APOE: variants seen among roughly 807,000 people sequenced by gnomAD.
APOE encodes apolipoprotein E3.
In APOE, 10 loss-of-function variants were observed where a neutral mutation model predicts 13.1. That is an observed-to-expected ratio of 0.76 (90% confidence interval 0.47 to 1.29). The LOEUF (loss-of-function observed/expected upper bound fraction) is 1.29, where lower values mean the gene tolerates loss of function less well. APOE is among the 50% of genes most tolerant of loss of function. The probability of loss-of-function intolerance (pLI) is 0.00; values close to 1 mark genes in which losing one functional copy is unlikely to be tolerated. For synonymous variants in APOE, 211 were observed against 207.1 expected (o/e 1.02, Z -0.16); for missense variants, 471 against 459.6 (o/e 1.02, Z -0.23).
chr19:44,907,729 C>T lies in APOE; in HGVS notation c.44-31C>T, dbSNP rs1279963008. On this transcript the variant is annotated intron_variant, in intron 2 of 3. Transcript: ENST00000252486. This position sits in a 1 kb window ranked among gnomAD's most constrained non-coding sequence, Gnocchi z 4.1. Reference sequence around the variant, plus strand: ...AGATGCCTGGACGGGGTCAGAAGGACCCTGACCCACCTTGAACTTGTTCCA... The same window carrying T: ...AGATGCCTGGACGGGGTCAGAAGGATCCTGACCCACCTTGAACTTGTTCCA... 2 of 1,582,294 alleles carry T rather than the reference C, an allele frequency of 1.3e-6. No homozygotes were observed. The highest frequency in any genetic ancestry group is 3.5e-5 in the Admixed American group (2 of 56,568).
Position 44,909,388 on chromosome 19 carries a change from C to G in APOE, c.*138C>G. The G allele has an allele frequency of 5.1e-6, 4 of 777,436 alleles. No homozygotes were observed. Among genetic ancestry groups the G allele is most frequent in the Non-Finnish European group, 8.4e-6 (4 of 473,920 alleles). The allele number at this position is 777,436 out of a possible 1,614,324, so 48.2% of individuals were successfully genotyped here. On this transcript the variant is annotated 3_prime_UTR_variant, in exon 4 of 4. Coordinates refer to ENST00000252486, the MANE Select transcript of APOE (RefSeq NM_000041.4). ...AGTTTAATAAAGATTCACCAAGTTT[C>G]ACGCATCTGCTGGCCTCCCCCTGTG...
intron 1 of APOE, chr19:44,906,065 G>A (rs1969801254): frequency 4.4e-6 from 2 of 450,784 alleles, no homozygotes; most frequent in Non-Finnish European, 3.7e-6. Context: ...GAGAGCAGCT[G>A]GACTGGGATG....
intron 3 of APOE, 113 bp downstream of exon 3, chr19:44,908,065 G>A: frequency 9.9e-7 from 1 of 1,012,926 alleles, no homozygotes. Context: ...GTCTCTGCTG[G>A]TTCTAGCTTC....
intron 1 of APOE, chr19:44,906,326 G>A (rs1599950483): frequency 1.9e-6 from 1 of 535,004 alleles, no homozygotes; most frequent in East Asian, 3.3e-5. Flanking sequence ...TGGAACCGGC[G>A]GTGGGGAGGG....
chr19:44,906,044 G>A, intron 1 of APOE: 1 of 605,172 alleles, frequency 1.7e-6, no homozygotes, highest in South Asian at 1.9e-5. Context: ...CCCGCTAGAA[G>A]GTGGGGTGGG....
chr19:44,908,603 G>A lies in APOE; in HGVS notation c.307G>A (p.Val103Met). ...GGAACTGGAGGAACAACTGACCCCG[G>A]TGGCGGAGGAGACGCGGGCACGGCT... is the stretch of plus-strand genomic sequence containing the variant. ...KSELEEQLTPVAEETRARLSK... is the reference protein window; with the variant it reads ...KSELEEQLTPMAEETRARLSK... The change falls in exon 4 of 4, where the codon GTG becomes ATG. Residue 103 changes from valine to methionine, a missense_variant. Physicochemically the swap from Val to Met is conservative, Grantham distance 21 (BLOSUM62 1). Transcript: ENST00000252486. 1 of 1,612,964 alleles carries A rather than the reference G, an allele frequency of 6.2e-7. No individual in the cohort carries two copies. The highest frequency in any genetic ancestry group is 8.5e-7 in the Non-Finnish European group (1 of 1,179,394).
At chr19:44,906,692 T>G (rs572409680) in intron 2 of APOE, 25 bp downstream of exon 2, 7 of 1,610,452 alleles carry the variant, frequency 4.3e-6, no homozygotes, top group African/African-American at 1.3e-5. Context: ...CTTGCTCGGT[T>G]CCCCCCGCTC....
At chr19:44,906,544 G>C (rs1426301793) in intron 1 of APOE, 58 bp from the exon 2 acceptor site, 1 of 1,597,614 alleles carries the variant, frequency 6.3e-7, no homozygotes, top group Admixed American at 1.7e-5. Flanking sequence ...GGTTGGGGCC[G>C]GGCTGGGGGT....
chr19:44,906,032 G>C, intron 1 of APOE, 191 bp downstream of exon 1: 1 of 757,738 alleles, frequency 1.3e-6, no homozygotes, highest in Non-Finnish European at 1.8e-6. Context: ...GAGACGACCC[G>C]ACCCGCTAGA....
At chr19:44,908,055 G>T in intron 3 of APOE, 103 bp downstream of exon 3, 1 of 1,104,286 alleles carries the variant, frequency 9.1e-7, no homozygotes, top group Non-Finnish European at 1.3e-6. Context: ...GGGGGCCTGG[G>T]TCTCTGCTGG....
chr19:44,906,792 T>G, intron 2 of APOE, 125 bp downstream of exon 2: 1 of 924,512 alleles, frequency 1.1e-6, no homozygotes, highest in South Asian at 1.4e-5. Context: ...GCTTCCTGGC[T>G]CTGAACAGCG....
In APOE at chr19:44,907,407, G is replaced by A. The variant is rs1052806006; in HGVS notation, c.44-353G>A. 2 of 339,468 alleles carry A rather than the reference G, an allele frequency of 5.9e-6. No individual in the cohort carries two copies. The highest frequency in any genetic ancestry group is 1.2e-5 in the Non-Finnish European group (2 of 172,740). 21.0% of individuals were successfully genotyped at this position (339,468 alleles called of 1,614,324 possible). ...AGCCCAGGAGTTCAACACCAGCCTG[G>A]GCAACATAGTGAGACCCTGTCTCTA... is the stretch of plus-strand genomic sequence containing the variant. On this transcript the variant is annotated intron_variant, in intron 2 of 3. Transcript: ENST00000252486. This position sits in a 1 kb window ranked among gnomAD's most constrained non-coding sequence, Gnocchi z 4.1.
chr19:44,905,912 C>T, intron 1 of APOE, 71 bp downstream of exon 1: 2 of 1,295,566 alleles, frequency 1.5e-6, no homozygotes, highest in South Asian at 2.5e-5. Flanking sequence ...CCTGGGAACC[C>T]CTGGCCTCCA....
Position 44,909,148 on chromosome 19 carries a change from G to T in APOE, c.852G>T (p.Glu284Asp), listed in dbSNP as rs759118026. 4.4e-6 allele frequency: 7 copies of T among 1,601,504 alleles called. No individual in the cohort carries two copies. The highest frequency in any genetic ancestry group is 5.1e-6 in the Non-Finnish European group (6 of 1,178,870). ...AGGCCCGCCTCAAGAGCTGGTTCGA[G>T]CCCCTGGTGGAAGACATGCAGCGCC... Reference protein sequence around the residue: ...AFQARLKSWFEPLVEDMQRQW... With the variant: ...AFQARLKSWFDPLVEDMQRQW... Residue 284 changes from glutamate (E) to aspartate (D), a missense_variant, in exon 4 of 4, where the codon GAG becomes GAT. By Grantham distance (45) the Glu-to-Asp change is conservative. Transcript: ENST00000252486.
In APOE at chr19:44,905,836, G is replaced by A. The variant is rs1969796001; in HGVS notation, c.-29G>A. On this transcript the variant is annotated 5_prime_UTR_variant, in exon 1 of 4. Coordinates refer to ENST00000252486, the MANE Select transcript of APOE (RefSeq NM_000041.4). The stretch of plus-strand genomic sequence containing the variant: ...GGAGGTGAAGGACGTCCTTCCCCAG[G>A]AGCCGGTGAGAAGCGCAGTCGGGGG... 7.7e-7 allele frequency: 1 copy of A among 1,294,752 alleles called. No individual in the cohort carries two copies. The highest frequency in any genetic ancestry group is 1.5e-5 in the African/African-American group (1 of 64,778). The allele number at this position is 1,294,752 out of a possible 1,614,324, so 80.2% of individuals were successfully genotyped here. A position where few individuals can be genotyped will look rare whatever the true frequency, so the allele number is the denominator to read the frequency against.
chr19:44,907,725 A>G lies in APOE; in HGVS notation c.44-35A>G, dbSNP rs781196862. The G allele has an allele frequency of 3.2e-6, 5 of 1,574,344 alleles. No individual in the cohort carries two copies. In the African/African-American group the frequency reaches 6.7e-5, roughly 21 times the overall value. On this transcript the variant is annotated intron_variant, in intron 2 of 3. Transcript: ENST00000252486. This position sits in a 1 kb window ranked among gnomAD's most constrained non-coding sequence, Gnocchi z 4.1. ...TACTAGATGCCTGGACGGGGTCAGA[A>G]GGACCCTGACCCACCTTGAACTTGT... is the stretch of plus-strand genomic sequence containing the variant.
Position 44,908,433 on chromosome 19 carries a change from C to G in APOE, c.237-100C>G, listed in dbSNP as rs1008992136. On this transcript the variant is annotated intron_variant, in intron 3 of 3. Transcript: ENST00000252486. ...CGGCCTCTGCCCCGTTCCTTCTCTC[C>G]CTCTTGGGTCTCTCTGGCTCATCCC... The G allele has an allele frequency of 3.3e-6, 4 of 1,220,972 alleles. No individual in the cohort carries two copies. The African/African-American group carries it at 6.0e-5, about 18-fold the overall frequency. 75.6% of individuals were successfully genotyped at this position (1,220,972 alleles called of 1,614,324 possible). A position where few individuals can be genotyped will look rare whatever the true frequency, so the allele number is the denominator to read the frequency against.
rs267606661 is a variant in APOE, at chr19:44,909,101, C to G, written c.805C>G (p.Arg269Gly). ...GCTGGAGGAGCAGGCCCAGCAGATA[C>G]GCCTGCAGGCCGAGGCCTTCCAGGC... ...AKLEEQAQQI[R>G]LQAEAFQARL... is the part of the protein sequence containing the mutation. The change falls in exon 4 of 4, where the codon CGC (arginine) becomes GGC (glycine). Residue 269 changes from arginine to glycine, a missense_variant. Coordinates refer to ENST00000252486, the MANE Select transcript of APOE (RefSeq NM_000041.4). 6.5e-4 allele frequency: 1,036 copies of G among 1,587,584 alleles called. No individual in the cohort carries two copies. The highest frequency in any genetic ancestry group is 8.0e-4 in the Non-Finnish European group (943 of 1,172,360).
chr19:44,906,971 C>T, intron 2 of APOE: 1 of 421,382 alleles, frequency 2.4e-6, no homozygotes, highest in South Asian at 2.4e-5. Context: ...AGCTCCGCCT[C>T]CCAGGTCCAC....
Sources: allele counts gnomAD v4.1 joint callset, GRCh38; gene constraint gnomAD v4.1.1; non-coding constraint Gnocchi (gnomAD v3.1); transcripts MANE v1.5; gene names NCBI Gene and HGNC (gene_info 2026-07-23, HGNC 2026-07-21).